IQCF1: variants seen among roughly 807,000 people sequenced by gnomAD.
IQCF1 encodes IQ domain-containing protein F1.
IQCF1 carries 9 observed loss-of-function variants against 12.5 expected under a neutral mutation model. The ratio of observed to expected loss-of-function variants is 0.72; its 90% CI spans 0.43 to 1.26. The LOEUF (loss-of-function observed/expected upper bound fraction) is 1.26, where lower values mean the gene tolerates loss of function less well. Ranked by LOEUF, IQCF1 falls within the 50% of genes most tolerant of loss-of-function variation. IQCF1 has a pLI of 0.00. For missense variants in IQCF1, 252 were observed against 257.4 expected, an observed-to-expected ratio of 0.98 and a Z score of 0.14; for synonymous variants, 67 against 96.2, an observed-to-expected ratio of 0.70 and a Z score of 1.78.
rs997019520 is a variant in IQCF1, at chr3:51,895,846, A to C, written c.172-510T>G. On this transcript the variant is annotated intron_variant, in intron 3 of 3. Transcript: ENST00000310914. This position sits in a 1 kb window ranked among gnomAD's most constrained non-coding sequence, Gnocchi z 4.8. ...TCTATGTTGCCCAAATTCCTATCTA[A>C]GGGGTCTGGGGAGTCATGCCCCACA... is the stretch of plus-strand genomic sequence containing the variant. Among the ~76,000 whole-genome samples the C allele has an allele frequency of 6.6e-6, 1 of 152,174 alleles. No homozygotes were observed. The highest frequency in any genetic ancestry group is 6.5e-5 in the Admixed American group (1 of 15,276).
chr3:51,897,411 C>T (rs995916754), intron 2 of IQCF1, among the ~76,000 whole-genome samples: 4 of 152,198 alleles, frequency 2.6e-5, no homozygotes, highest in Non-Finnish European at 5.9e-5. Context: ...ATTTCTTTTG[C>T]GGCACCGAAG....
rs958252749 is a variant in IQCF1, at chr3:51,900,838, T to C, written c.108+2147A>G. Among the ~76,000 whole-genome samples, 1 of 152,200 alleles carries C rather than the reference T, an allele frequency of 6.6e-6. No homozygotes were observed. Among genetic ancestry groups the C allele is most frequent in the African/African-American group, 2.4e-5 (1 of 41,440 alleles). On this transcript the variant is annotated intron_variant, in intron 2 of 3. Transcript: ENST00000310914. The surrounding 1 kb of genome is among the most constrained non-coding windows in gnomAD (Gnocchi z 4.2). ...TGAATCCTCAAAGTTCTTTCCCTTTTCTAAGCCAGTTCCCTTCTTTAAGCC... is the reference window on the plus strand; with the variant it reads ...TGAATCCTCAAAGTTCTTTCCCTTTCCTAAGCCAGTTCCCTTCTTTAAGCC...
At chr3:51,897,733 T>C (rs1013534186) in intron 2 of IQCF1, among the ~76,000 whole-genome samples, 8 of 152,318 alleles carry the variant, frequency 5.3e-5, no homozygotes, top group African/African-American at 1.9e-4. Flanking sequence ...GCTAAATGTG[T>C]GTGCGTGAAT....
chr3:51,901,098 G>T (rs1027924617), intron 2 of IQCF1, among the ~76,000 whole-genome samples: 1 of 152,198 alleles, frequency 6.6e-6, no homozygotes, highest in Non-Finnish European at 1.5e-5. Context: ...CAAATGTCTG[G>T]TTGGAATGGA....
At chr3:51,902,538 AT>A (rs1699086529) in intron 2 of IQCF1, among the ~76,000 whole-genome samples, 1 of 152,080 alleles carries the variant, frequency 6.6e-6, no homozygotes, top group Non-Finnish European at 1.5e-5. Flanking sequence ...ACTCATTCCG[AT>A]TACCGGCTCC....
At chr3:51,901,989 GC>G (rs1262479535) in intron 2 of IQCF1, among the ~76,000 whole-genome samples, 1 of 152,168 alleles carries the variant, frequency 6.6e-6, no homozygotes, top group Non-Finnish European at 1.5e-5. Flanking sequence ...AAACAACACT[GC>G]CCCTGATGGA....
intron 2 of IQCF1, among the ~76,000 whole-genome samples, chr3:51,898,544 A>G (rs771795602): frequency 2.8e-4 from 43 of 152,346 alleles, no homozygotes; most frequent in Middle Eastern, 3.4e-3. Context: ...CTAACAGAAG[A>G]AAGTAGAAAA....
At chr3:51,897,586 G>A (rs1338357031) in intron 2 of IQCF1, among the ~76,000 whole-genome samples, 1 of 152,192 alleles carries the variant, frequency 6.6e-6, no homozygotes, top group Non-Finnish European at 1.5e-5. Flanking sequence ...CGAGCTCTCA[G>A]CAACGCGGAA....
intron 2 of IQCF1, among the ~76,000 whole-genome samples, chr3:51,898,607 T>G (rs1458305363): frequency 6.7e-6 from 1 of 149,842 alleles, no homozygotes; most frequent in Non-Finnish European, 1.5e-5. Context: ...GTCAGAACTA[T>G]CCTAAGTCAA....
chr3:51,898,256 CAGAGAG>C (rs34717502), intron 2 of IQCF1, among the ~76,000 whole-genome samples: 4 of 149,544 alleles, frequency 2.7e-5, no homozygotes, highest in Non-Finnish European at 4.5e-5. Context: ...AAGAGGGAGT[CAGAGAG>C]AGAGAGAGAG....
chr3:51,894,940 A>G lies in IQCF1; in HGVS notation c.568T>C (p.Ser190Pro), dbSNP rs1698981619. The stretch of plus-strand genomic sequence containing the variant: ...CACTCTGTCACAATGCAAGGCCCTG[A>G]GTCCAGCAAGATCTCCAGCTGGAGA... ...LHLQLEILLD[S>P]GPCIVTECIP... The change falls in exon 4 of 4, where the codon TCA (serine) becomes CCA (proline). Residue 190 changes from serine (S) to proline (P), a missense_variant. Physicochemically the swap from Ser to Pro is moderately conservative, Grantham distance 74. Transcript: ENST00000310914. The G allele has an allele frequency of 1.2e-6, 2 of 1,614,204 alleles. No individual in the cohort carries two copies. The highest frequency in any genetic ancestry group is 1.1e-5 in the South Asian group (1 of 91,070).
intron 3 of IQCF1, among the ~76,000 whole-genome samples, chr3:51,896,370 T>C (rs1233504237): frequency 6.6e-6 from 1 of 152,160 alleles, no homozygotes; most frequent in African/African-American, 2.4e-5. Context: ...CCAATGTATT[T>C]CTTAAATGTA....
At chr3:51,902,541 A>T (rs1019620277) in intron 2 of IQCF1, among the ~76,000 whole-genome samples, 1 of 152,082 alleles carries the variant, frequency 6.6e-6, no homozygotes. Flanking sequence ...CATTCCGATT[A>T]CCGGCTCCAC....
chr3:51,902,638 A>G (rs1449520183), intron 2 of IQCF1, among the ~76,000 whole-genome samples: 1 of 151,214 alleles, frequency 6.6e-6, no homozygotes, highest in African/African-American at 2.4e-5. Flanking sequence ...CCACCAAACC[A>G]CTCACCCCAT....
At chr3:51,896,937 T>A in intron 2 of IQCF1, 43 bp from the exon 3 acceptor site, 1 of 1,461,042 alleles carries the variant, frequency 6.8e-7, no homozygotes, top group Non-Finnish European at 9.6e-7. Context: ...GATTGAGTTG[T>A]TTATTTCTCT....
Position 51,902,984 on chromosome 3 carries a change from C to T in IQCF1, c.108+1G>A, listed in dbSNP as rs977128233. 2 of 1,610,494 alleles carry T rather than the reference C, an allele frequency of 1.2e-6. No homozygotes were observed. The highest frequency in any genetic ancestry group is 1.7e-6 in the Non-Finnish European group (2 of 1,176,772). ...GACATCCAAGTCAGGGCTCCTCCTA[C>T]CTCTGCCTTTGACTCTGCTCCTAAG... On this transcript the variant is annotated splice_donor_variant, in intron 2 of 3. Coordinates refer to ENST00000310914, the MANE Select transcript of IQCF1 (RefSeq NM_152397.3). LOFTEE classifies it high-confidence loss of function.
intron 1 of IQCF1, 28 bp from the exon 2 acceptor site, chr3:51,903,117 G>A: frequency 4.3e-6 from 7 of 1,609,552 alleles, no homozygotes; most frequent in African/African-American, 1.3e-5. Context: ...GGAAAGGCAA[G>A]AGTGAGGCTG....
rs748290427 is a variant in IQCF1, at chr3:51,896,853, A to G, written c.150T>C (p.Asn50=). 6 of 1,613,228 alleles carry G rather than the reference A, an allele frequency of 3.7e-6. No homozygotes were observed. Residue 50 remains asparagine, a synonymous_variant, in exon 3 of 4, where the codon AAT becomes AAC. Coordinates refer to ENST00000310914, the MANE Select transcript of IQCF1 (RefSeq NM_152397.3). ...PVLVETQTVD[N]ANEKSEKPPE... is the part of the protein sequence containing the mutation. ...ATACTTTTTCTGATTTCTCATTGGC[A>G]TTGTCCACTGTCTGTGTCTCAACCA...
chr3:51,899,540 A>C (rs1387548983), intron 2 of IQCF1, among the ~76,000 whole-genome samples: 1 of 152,234 alleles, frequency 6.6e-6, no homozygotes, highest in East Asian at 1.9e-4. Flanking sequence ...AAAGGTTAAA[A>C]ATTTTTTTTG....
Sources: gnomAD v4.1 joint callset for allele counts (sites outside exome capture counted in the v4.1 genomes callset) on GRCh38, gnomAD v4.1.1 for gene constraint, Gnocchi (gnomAD v3.1) non-coding constraint, MANE v1.5 for transcripts, NCBI Gene and HGNC (gene_info 2026-07-23, HGNC 2026-07-21) for gene names.